SUMF1: variants seen among roughly 807,000 people sequenced by gnomAD.
SUMF1 encodes the protein formylglycine-generating enzyme.
SUMF1 carries 48 observed loss-of-function variants against 47.6 expected under a neutral mutation model. That is an observed-to-expected ratio of 1.01 (90% CI 0.80 to 1.28). SUMF1 has a LOEUF of 1.28. SUMF1 is among the 50% of genes most tolerant of loss of function. The probability of loss-of-function intolerance (pLI) is 0.00; values close to 1 mark genes in which losing one functional copy is unlikely to be tolerated. For synonymous variants in SUMF1, 230 were observed against 192.1 expected (o/e 1.20, Z -1.63); for missense variants, 571 against 485.4 (o/e 1.18, Z -1.66).
At chr3:4,234,435 A>C (rs144891468) in intron 8 of SUMF1, among the ~76,000 whole-genome samples, 1 of 152,048 alleles carries the variant, frequency 6.6e-6, no homozygotes, top group Non-Finnish European at 1.5e-5. Flanking sequence ...ATCCTCCCTC[A>C]GACTTTATAA....
chr3:4,261,684 C>T (rs190787992), intron 8 of SUMF1, among the ~76,000 whole-genome samples: 3 of 152,272 alleles, frequency 2.0e-5, no homozygotes, highest in Admixed American at 1.3e-4. Context: ...GAGTCAGGAG[C>T]GTGAAGGACA....
At chr3:4,174,918 G>A (rs1243067658) in intron 8 of SUMF1, among the ~76,000 whole-genome samples, 1 of 152,210 alleles carries the variant, frequency 6.6e-6, no homozygotes, top group Non-Finnish European at 1.5e-5. Context: ...CACCCACGAA[G>A]CCTTGCTCAC....
At chr3:4,099,696 A>G (rs1297725035) in intron 8 of SUMF1, among the ~76,000 whole-genome samples, 2 of 152,070 alleles carry the variant, frequency 1.3e-5, no homozygotes, top group East Asian at 3.9e-4. Context: ...ACATGATCTT[A>G]TATAGAAAAT....
Position 4,303,842 on chromosome 3 carries a change from C to T in SUMF1, c.1014+72488G>A, listed in dbSNP as rs554717405. On this transcript the variant is annotated intron_variant and NMD_transcript_variant, in intron 8 of 12. Coordinates refer to the SUMF1 transcript ENST00000448413. Reference sequence around the variant, plus strand: ...AGGCATCACGGGGGGAGTCATTTACCTCCCTGGTCTCAGGTGTCTCTCACA... The same window carrying T: ...AGGCATCACGGGGGGAGTCATTTACTTCCCTGGTCTCAGGTGTCTCTCACA... 13 of 1,336,388 alleles carry T rather than the reference C, an allele frequency of 9.7e-6. No homozygotes were observed. In the African/African-American group the frequency reaches 1.6e-4, roughly 17 times the overall value. 82.8% of individuals were successfully genotyped at this position (1,336,388 alleles called of 1,614,324 possible).
chr3:4,108,676 A>C (rs1693215915), intron 8 of SUMF1, among the ~76,000 whole-genome samples: 1 of 152,072 alleles, frequency 6.6e-6, no homozygotes, highest in Non-Finnish European at 1.5e-5. Context: ...ACCATTATGT[A>C]ATGGCCTTCT....
intron 8 of SUMF1, among the ~76,000 whole-genome samples, chr3:4,101,254 G>A (rs1000348056): frequency 2.0e-5 from 3 of 151,938 alleles, no homozygotes; most frequent in South Asian, 2.1e-4. Flanking sequence ...GTCCATCAAC[G>A]GATAAATGCA....
At chr3:4,129,946 C>T (rs545225972) in intron 8 of SUMF1, among the ~76,000 whole-genome samples, 3 of 152,080 alleles carry the variant, frequency 2.0e-5, no homozygotes, top group African/African-American at 4.8e-5. Flanking sequence ...CACATTGGCT[C>T]CCTGTCTGGT....
At chr3:4,088,565 A>C (rs562578101) in intron 8 of SUMF1, among the ~76,000 whole-genome samples, 2 of 152,068 alleles carry the variant, frequency 1.3e-5, no homozygotes, top group African/African-American at 2.4e-5. Flanking sequence ...AATATTTATC[A>C]CTAGCACATT....
chr3:4,353,390 C>T (rs1057307785), intron 8 of SUMF1, among the ~76,000 whole-genome samples: 2 of 152,072 alleles, frequency 1.3e-5, no homozygotes, highest in Non-Finnish European at 2.9e-5. Context: ...GTAGCTGGGA[C>T]TACAGGCACC....
At chr3:4,094,284 T>A (rs1190468739) in intron 8 of SUMF1, among the ~76,000 whole-genome samples, 1 of 152,082 alleles carries the variant, frequency 6.6e-6, no homozygotes, top group Non-Finnish European at 1.5e-5. Flanking sequence ...TTTATTGGTA[T>A]TTCTCCTGAT....
At chr3:4,270,653 C>T (rs1406635788) in intron 8 of SUMF1, among the ~76,000 whole-genome samples, 1 of 152,094 alleles carries the variant, frequency 6.6e-6, no homozygotes, top group Admixed American at 6.5e-5. Context: ...TTAAACTTTG[C>T]CTCAGATTTC....
chr3:4,300,806 T>C (rs1297897674), intron 8 of SUMF1, among the ~76,000 whole-genome samples: 3 of 152,126 alleles, frequency 2.0e-5, no homozygotes, highest in African/African-American at 7.2e-5. Flanking sequence ...CACCCCACTT[T>C]AAAGACACCA....
intron 8 of SUMF1, among the ~76,000 whole-genome samples, chr3:4,136,828 T>G (rs968753090): frequency 6.6e-6 from 1 of 151,676 alleles, no homozygotes; most frequent in Non-Finnish European, 1.5e-5. Flanking sequence ...AACAGACACT[T>G]CTCCAAAGAA....
chr3:4,362,776 T>C (rs1699808722), intron 8 of SUMF1, among the ~76,000 whole-genome samples: 1 of 152,082 alleles, frequency 6.6e-6, no homozygotes, highest in Admixed American at 6.5e-5. Context: ...TAGCTGAGCA[T>C]GGTGGTGTGC....
At position 4,152,505 on chromosome 3, in the gene SUMF1, C is replaced by T. The variant is rs574677338; in HGVS notation, c.1015-83760G>A. Among the ~76,000 whole-genome samples the T allele has an allele frequency of 3.3e-5, 5 of 150,798 alleles. No individual in the cohort carries two copies. In the South Asian group the frequency reaches 1.0e-3, roughly 31 times the overall value. Reference sequence around the variant, plus strand: ...CTGATGTCTCGTCATAGTGTCCAGGCTGGTCTCAAACTCCTGGGCTCAAGT... The same window carrying T: ...CTGATGTCTCGTCATAGTGTCCAGGTTGGTCTCAAACTCCTGGGCTCAAGT... On this transcript the variant is annotated intron_variant and NMD_transcript_variant, in intron 8 of 12. Coordinates refer to the SUMF1 transcript ENST00000448413.
intron 9 of SUMF1, among the ~76,000 whole-genome samples, chr3:4,065,765 C>T (rs1695361363): frequency 6.6e-6 from 1 of 152,092 alleles, no homozygotes; most frequent in South Asian, 2.1e-4. Context: ...GGAACATCAG[C>T]CCTGGTCCCA....
At position 4,151,682 on chromosome 3, in the gene SUMF1, CTAA is replaced by C. The variant is rs769250433; in HGVS notation, c.1015-82940_1015-82938del. ...TGATTTGGGCCACACACAAAATATGCTAATAATAGCTGATGAGCTAAAAAAAAA... is the reference window on the plus strand; with the variant it reads ...TGATTTGGGCCACACACAAAATATGCTAATAGCTGATGAGCTAAAAAAAAA... On this transcript the variant is annotated intron_variant and NMD_transcript_variant, in intron 8 of 12. Coordinates refer to the SUMF1 transcript ENST00000448413. Among the ~76,000 whole-genome samples, 51 of 142,954 alleles carry C rather than the reference CTAA, an allele frequency of 3.6e-4. 1 individual carries two copies. Among genetic ancestry groups the C allele is most frequent in the Non-Finnish European group, 6.2e-4 (41 of 66,640 alleles). The allele number at this position is 142,954 out of a possible 152,430, so 93.8% of individuals were successfully genotyped here.
chr3:4,193,623 G>A (rs1319696106), intron 8 of SUMF1, among the ~76,000 whole-genome samples: 9 of 152,142 alleles, frequency 5.9e-5, no homozygotes, highest in Non-Finnish European at 7.4e-5. Flanking sequence ...GCCAGGAGGA[G>A]CAGGGGTACA....
chr3:4,207,273 A>C (rs1695674593), intron 8 of SUMF1, among the ~76,000 whole-genome samples: 2 of 152,148 alleles, frequency 1.3e-5, no homozygotes, highest in South Asian at 4.1e-4. Context: ...ATCGTCCATG[A>C]ATAAAGACAA....
Sources: allele counts gnomAD v4.1 joint callset (sites outside exome capture counted in the v4.1 genomes callset), GRCh38; gene constraint gnomAD v4.1.1; transcripts MANE v1.5; gene names NCBI Gene and HGNC (gene_info 2026-07-23, HGNC 2026-07-21).